MAPT: variants seen among roughly 807,000 people sequenced by gnomAD.
The protein encoded by MAPT is microtubule-associated protein tau.
Under a neutral mutation model 67.9 loss-of-function variants are expected in MAPT, and 34 were observed. The ratio of observed to expected loss-of-function variants is 0.50; its 90% confidence interval spans 0.38 to 0.67. The LOEUF is 0.67. Among genes scored for constraint, MAPT ranks in the 30% least tolerant of loss-of-function variants. The pLI is 0.00. For synonymous variants in MAPT, 456 were observed against 464.5 expected (o/e 0.98, Z 0.23); for missense variants, 881 against 1,115.2 (o/e 0.79, Z 2.99).
chr17:46,024,427 A>C lies in MAPT; in HGVS notation c.*256A>C. On this transcript the variant is annotated 3_prime_UTR_variant, in exon 13 of 13. Coordinates refer to ENST00000262410, the MANE Select transcript of MAPT (RefSeq NM_001377265.1). Reference sequence around the variant, plus strand: ...ATAAAATATTTAAAAAAAAACATTCAAAAACATGGCCACATCCAACATTTC... The same window carrying C: ...ATAAAATATTTAAAAAAAAACATTCCAAAACATGGCCACATCCAACATTTC... 1 of 574,052 alleles carries C rather than the reference A, an allele frequency of 1.7e-6. No individual in the cohort carries two copies. Among genetic ancestry groups the C allele is most frequent in the Admixed American group, 3.0e-5 (1 of 33,196 alleles). 35.6% of individuals were successfully genotyped at this position (574,052 alleles called of 1,614,324 possible). A position where few individuals can be genotyped will look rare whatever the true frequency, so the allele number is the denominator to read the frequency against.
chr17:45,924,549 C>G (rs969635534), intron 1 of MAPT, among the ~76,000 whole-genome samples: 3 of 152,224 alleles, frequency 2.0e-5, no homozygotes, highest in Non-Finnish European at 2.9e-5. Flanking sequence ...CCCTGGGGTG[C>G]CTGTGATGCC....
chr17:45,942,788 G>A (rs189997171), intron 1 of MAPT, among the ~76,000 whole-genome samples: 29 of 152,318 alleles, frequency 1.9e-4, no homozygotes, highest in African/African-American at 6.5e-4. Flanking sequence ...GACAGCCAGC[G>A]ATGGTTCTGA....
intron 1 of MAPT, among the ~76,000 whole-genome samples, chr17:45,926,622 T>C (rs747951993): frequency 2.6e-5 from 4 of 152,168 alleles, no homozygotes; most frequent in Non-Finnish European, 5.9e-5. Flanking sequence ...CCTCAAATTT[T>C]TAAAAATCTA....
At chr17:45,958,725 GA>G (rs1186779352) in intron 1 of MAPT, among the ~76,000 whole-genome samples, 1,455 of 72,064 alleles carry the variant, frequency 0.02, 11 homozygotes, top group Middle Eastern at 0.053. Context: ...TGACTTAAAA[GA>G]AAAAAAAAAA....
intron 1 of MAPT, among the ~76,000 whole-genome samples, chr17:45,909,421 T>C (rs1269689977): frequency 6.6e-6 from 1 of 152,162 alleles, no homozygotes; most frequent in Non-Finnish European, 1.5e-5. Context: ...CTGGACTAAT[T>C]AGAAGGTCAG....
intron 11 of MAPT, among the ~76,000 whole-genome samples, chr17:46,015,876 A>AT (rs2076146983): frequency 6.6e-6 from 1 of 152,074 alleles, no homozygotes; most frequent in Non-Finnish European, 1.5e-5. Context: ...AAAAAAATAT[A>AT]TTTTTTAAGG....
chr17:46,005,997 C>T (rs563110424), intron 9 of MAPT, among the ~76,000 whole-genome samples: 2 of 152,228 alleles, frequency 1.3e-5, no homozygotes, highest in African/African-American at 4.8e-5. Flanking sequence ...TTGTCCTTAA[C>T]GTGGGGACGG....
chr17:46,014,882 C>CAAAAAAAAAAAAAAAAAAAA (rs1254513618), intron 11 of MAPT, among the ~76,000 whole-genome samples: 1 of 127,498 alleles, frequency 7.8e-6, no homozygotes. Context: ...GACTCCGTCT[C>CAAAAAAAAAAAAAAAAAAAA]AAAAAAAAAA....
intron 1 of MAPT, among the ~76,000 whole-genome samples, chr17:45,910,399 C>T (rs1264395016): frequency 2.6e-5 from 4 of 151,970 alleles, no homozygotes; most frequent in African/African-American, 4.8e-5. Flanking sequence ...AATTTGAGGC[C>T]GGTAGGGGAT....
At chr17:45,955,435 C>T (rs925187400) in intron 1 of MAPT, among the ~76,000 whole-genome samples, 21 of 152,364 alleles carry the variant, frequency 1.4e-4, no homozygotes, top group Admixed American at 2.6e-4. Context: ...CAATCGGCCC[C>T]GCCTGCTGCT....
At chr17:45,980,760 G>A (rs945771256) in intron 4 of MAPT, among the ~76,000 whole-genome samples, 4 of 152,172 alleles carry the variant, frequency 2.6e-5, no homozygotes, top group East Asian at 3.9e-4. Flanking sequence ...GGAGGAAAGC[G>A]ACTTCCGGAA....
rs1444268871 is a variant in MAPT, at chr17:46,018,124, G to A, written c.2174-494G>A. ...CATGCCACTGCACTCCAGCCTGGGCGACAGAGCAAGACTCTGTCTCAAGAA... is the reference window on the plus strand; with the variant it reads ...CATGCCACTGCACTCCAGCCTGGGCAACAGAGCAAGACTCTGTCTCAAGAA... On this transcript the variant is annotated intron_variant, in intron 11 of 12. Transcript: ENST00000262410. 8.2e-5 allele frequency among the ~76,000 whole-genome samples: 12 copies of A among 146,396 alleles called. No individual in the cohort carries two copies. The South Asian group carries it at 8.9e-4, about 11-fold the overall frequency.
chr17:45,949,191 A>G (rs2068807455), intron 1 of MAPT, among the ~76,000 whole-genome samples: 1 of 152,208 alleles, frequency 6.6e-6, no homozygotes, highest in Admixed American at 6.5e-5. Flanking sequence ...CTGCTGAGTC[A>G]CCGCGGGCGC....
chr17:45,977,531 CAG>C (rs766452903), intron 3 of MAPT: 1 of 152,210 alleles, frequency 6.6e-6, no homozygotes, highest in Non-Finnish European at 1.5e-5. Context: ...TGTCCTGTAA[CAG>C]TGTCCTGTTG....
chr17:46,023,847 AAAC>A, intron 12 of MAPT, 106 bp from the exon 13 acceptor site: 1 of 910,684 alleles, frequency 1.1e-6, no homozygotes, highest in Non-Finnish European at 1.8e-6. Flanking sequence ...TCTCAAAAAC[AAAC>A]AAAAAACAGT....
Position 45,982,897 on chromosome 17 carries a change from G to A in MAPT, c.318G>A (p.Lys106=). The change falls in exon 5 of 13, where the codon AAG becomes AAA. Residue 106 remains lysine, a synonymous_variant. Coordinates refer to ENST00000262410, the MANE Select transcript of MAPT (RefSeq NM_001377265.1). ...TGAGAGTTCCGGGCCGGCAGAGGAA[G>A]GCGCCTGAAAGGCCCCTGGCCAATG... ...EELRVPGRQR[K]APERPLANEI... 1 of 1,328,570 alleles carries A rather than the reference G, an allele frequency of 7.5e-7. No individual in the cohort carries two copies. The highest frequency in any genetic ancestry group is 9.6e-7 in the Non-Finnish European group (1 of 1,040,590). The allele number at this position is 1,328,570 out of a possible 1,614,324, so 82.3% of individuals were successfully genotyped here.
chr17:46,017,776 A>G (rs1184363728), intron 11 of MAPT, among the ~76,000 whole-genome samples: 1 of 147,926 alleles, frequency 6.8e-6, no homozygotes, highest in African/African-American at 2.5e-5. Context: ...GTTCTTATTT[A>G]GTGTGCATTT....
At chr17:45,939,737 C>T (rs1286371874) in intron 1 of MAPT, among the ~76,000 whole-genome samples, 1 of 152,070 alleles carries the variant, frequency 6.6e-6, no homozygotes, top group Admixed American at 6.5e-5. Flanking sequence ...TCAGCCTGAG[C>T]GTCGAGGACC....
chr17:45,951,971 G>T (rs1399330903), intron 1 of MAPT, among the ~76,000 whole-genome samples: 2 of 152,246 alleles, frequency 1.3e-5, no homozygotes, highest in African/African-American at 4.8e-5. Context: ...AAAACAAGTG[G>T]TCTGAGGAAA....
Sources: allele counts gnomAD v4.1 joint callset (sites outside exome capture counted in the v4.1 genomes callset), GRCh38; gene constraint gnomAD v4.1.1; transcripts MANE v1.5; gene names NCBI Gene and HGNC (gene_info 2026-07-23, HGNC 2026-07-21).